The following LRRTM3 variants were observed in gnomAD, a reference collection of about 807,000 sequenced individuals.
LRRTM3 encodes the protein leucine-rich repeat transmembrane neuronal protein 3.
Under a neutral mutation model 44.7 loss-of-function variants are expected in LRRTM3, and 24 were observed. The observed-to-expected ratio is 0.54, with a 90% CI of 0.39 to 0.76. The LOEUF (loss-of-function observed/expected upper bound fraction) is 0.76. Ranked by LOEUF, LRRTM3 falls within the 30% of genes least tolerant of loss-of-function variation. The pLI, the probability that LRRTM3 is intolerant of heterozygous loss-of-function variation, is 0.00. For missense variants in LRRTM3, 587 were observed against 702.2 expected, an observed-to-expected ratio of 0.84 and a Z score of 1.85; for synonymous variants, 277 against 278.7, an observed-to-expected ratio of 0.99 and a Z score of 0.06.
chr10:67,043,471 A>G (rs1297408086), intron 2 of LRRTM3, among the ~76,000 whole-genome samples: 1 of 152,106 alleles, frequency 6.6e-6, no homozygotes, highest in Non-Finnish European at 1.5e-5. Context: ...TTTTCCTCCT[A>G]AGCTGCATGT....
chr10:66,971,853 C>A (rs1412333460), intron 2 of LRRTM3, among the ~76,000 whole-genome samples: 1 of 151,950 alleles, frequency 6.6e-6, no homozygotes, highest in Non-Finnish European at 1.5e-5. Context: ...TAATATTTCT[C>A]ATTTCTGAGC....
chr10:67,019,642 G>A (rs1472368649), intron 2 of LRRTM3, among the ~76,000 whole-genome samples: 1 of 152,206 alleles, frequency 6.6e-6, no homozygotes, highest in Non-Finnish European at 1.5e-5. Context: ...CACAGTGTGA[G>A]TCATTGATAT....
chr10:67,045,677 G>C (rs1335262744), intron 2 of LRRTM3, among the ~76,000 whole-genome samples: 1 of 152,182 alleles, frequency 6.6e-6, no homozygotes, highest in Non-Finnish European at 1.5e-5. Context: ...TCCTGGCGCG[G>C]GATGGGGCGG....
intron 2 of LRRTM3, among the ~76,000 whole-genome samples, chr10:67,049,088 T>C (rs953055779): frequency 1.4e-4 from 21 of 151,876 alleles, no homozygotes; most frequent in Admixed American, 6.6e-5. Flanking sequence ...AAAAATGACA[T>C]TTATAACTTG....
chr10:66,929,318 A>T (rs1472989195), intron 2 of LRRTM3, among the ~76,000 whole-genome samples: 1 of 152,218 alleles, frequency 6.6e-6, no homozygotes, highest in Non-Finnish European at 1.5e-5. Flanking sequence ...AAGGTTCGCG[A>T]ATGGGAAAGC....
intron 2 of LRRTM3, among the ~76,000 whole-genome samples, chr10:67,025,129 CAAAAACAA>C (rs1403207655): frequency 3.9e-5 from 1 of 25,368 alleles, no homozygotes; most frequent in Non-Finnish European, 1.6e-4. Flanking sequence ...AAAACTCTGT[CAAAAACAA>C]AAAAAAAAAA....
At chr10:67,045,824 C>A (rs1231695125) in intron 2 of LRRTM3, among the ~76,000 whole-genome samples, 1 of 152,126 alleles carries the variant, frequency 6.6e-6, no homozygotes, top group Non-Finnish European at 1.5e-5. Flanking sequence ...AGTGGCAGCT[C>A]CAGTGAAGCC....
chr10:66,954,865 G>A (rs1355232064), intron 2 of LRRTM3, among the ~76,000 whole-genome samples: 2 of 152,092 alleles, frequency 1.3e-5, no homozygotes, highest in African/African-American at 4.8e-5. Context: ...GACTAGACCT[G>A]GAGCTGTGGA....
intron 2 of LRRTM3, among the ~76,000 whole-genome samples, chr10:67,078,291 A>G (rs1194981933): frequency 6.6e-6 from 1 of 152,192 alleles, no homozygotes; most frequent in Admixed American, 6.5e-5. Context: ...CTGTACCACT[A>G]TAGTGCCTAC....
At chr10:66,969,325 G>C (rs937022729) in intron 2 of LRRTM3, among the ~76,000 whole-genome samples, 8 of 151,790 alleles carry the variant, frequency 5.3e-5, no homozygotes, top group African/African-American at 1.9e-4. Context: ...ACATTTCCAT[G>C]TCATTAAAAC....
intron 2 of LRRTM3, among the ~76,000 whole-genome samples, chr10:66,956,729 T>C (rs1377395811): frequency 1.3e-5 from 2 of 152,224 alleles, no homozygotes; most frequent in African/African-American, 4.8e-5. Context: ...ATCTGTATTT[T>C]TCCAAAGTGG....
chr10:66,954,598 T>A (rs1039500051), intron 2 of LRRTM3, among the ~76,000 whole-genome samples: 6 of 152,176 alleles, frequency 3.9e-5, no homozygotes, highest in African/African-American at 7.2e-5. Context: ...GTTAAAATTA[T>A]GTCAAATTGT....
intron 2 of LRRTM3, among the ~76,000 whole-genome samples, chr10:66,992,330 G>A (rs1435632131): frequency 6.6e-6 from 1 of 151,980 alleles, no homozygotes; most frequent in African/African-American, 2.4e-5. Context: ...TAAATCAACT[G>A]TTTATATCCT....
At chr10:66,983,796 G>A (rs1472720438) in intron 2 of LRRTM3, among the ~76,000 whole-genome samples, 1 of 152,148 alleles carries the variant, frequency 6.6e-6, no homozygotes, top group Non-Finnish European at 1.5e-5. Flanking sequence ...AAATTTTGCT[G>A]TTAAAATGTA....
At position 67,014,104 on chromosome 10, in the gene LRRTM3, G is replaced by A. The variant is rs1410948282; in HGVS notation, c.1537-83483G>A. ...AAGAATCAACATTAGTTTGTATTTT[G>A]GTTCATTGTAGAAGTCGATCACTAT... On this transcript the variant is annotated intron_variant, in intron 2 of 2. Coordinates refer to ENST00000361320, the MANE Select transcript of LRRTM3 (RefSeq NM_178011.5). Among the ~76,000 whole-genome samples the A allele has an allele frequency of 3.3e-5, 5 of 152,118 alleles. No individual in the cohort carries two copies. The East Asian group carries it at 7.7e-4, about 23-fold the overall frequency.
intron 2 of LRRTM3, among the ~76,000 whole-genome samples, chr10:67,066,643 A>AC (rs2032556042): frequency 9.2e-6 from 1 of 109,134 alleles, no homozygotes; most frequent in Non-Finnish European, 1.9e-5. Context: ...TCACTAAATA[A>AC]TAAAAAATCC....
intron 2 of LRRTM3, among the ~76,000 whole-genome samples, chr10:67,019,983 A>G (rs80068368): frequency 0.025 from 3,479 of 140,746 alleles, 159 homozygotes; most frequent in African/African-American, 0.086. Context: ...CCTGTGATGC[A>G]TTTAACAACA....
At position 67,001,539 on chromosome 10, in the gene LRRTM3, T is replaced by C. The variant is rs555990699; in HGVS notation, c.1536+73087T>C. ...TATAGAATTTTTCACCAGCTTGAAG[T>C]AAAACTTTCTAATTATTTTAAAAAA... On this transcript the variant is annotated intron_variant, in intron 2 of 2. Coordinates refer to ENST00000361320, the MANE Select transcript of LRRTM3 (RefSeq NM_178011.5). Among the ~76,000 whole-genome samples, 669 of 151,574 alleles carry C rather than the reference T, an allele frequency of 4.4e-3. 5 individuals carry two copies. The highest frequency in any genetic ancestry group is 0.016 in the African/African-American group (637 of 41,060).
At chr10:66,961,884 G>A (rs1849127468) in intron 2 of LRRTM3, among the ~76,000 whole-genome samples, 1 of 152,032 alleles carries the variant, frequency 6.6e-6, no homozygotes, top group African/African-American at 2.4e-5. Context: ...ATGGCATATG[G>A]AGGCCAAATG....
Sources: allele counts gnomAD v4.1 joint callset (sites outside exome capture counted in the v4.1 genomes callset), GRCh38; gene constraint gnomAD v4.1.1; transcripts MANE v1.5; gene names NCBI Gene and HGNC (gene_info 2026-07-23, HGNC 2026-07-21).